DUSP14: variants seen among roughly 807,000 people sequenced by gnomAD.
The protein encoded by DUSP14 is dual specificity protein phosphatase 14.
A neutral mutation model predicts 13.2 loss-of-function variants in DUSP14; 5 were observed. The observed-to-expected ratio is 0.38, with a 90% confidence interval of 0.20 to 0.80. The LOEUF (loss-of-function observed/expected upper bound fraction) is 0.80, where lower values mean the gene tolerates loss of function less well. Among genes scored for constraint, DUSP14 ranks in the 30% least tolerant of loss-of-function variants. The pLI is 0.44. For synonymous variants in DUSP14, 91 were observed against 103.4 expected (o/e 0.88, Z 0.73); for missense variants, 185 against 264.0 (o/e 0.70, Z 2.07).
intron 1 of DUSP14, among the ~76,000 whole-genome samples, chr17:37,507,673 A>G (rs1307365073): frequency 1.3e-5 from 2 of 152,116 alleles, no homozygotes. Flanking sequence ...GGCTGGTCTC[A>G]GGTGATCTGC....
intron 1 of DUSP14, 152 bp from the exon 2 acceptor site, chr17:37,510,525 G>A (rs2054176347): frequency 6.6e-6 from 1 of 152,172 alleles, no homozygotes; most frequent in Non-Finnish European, 1.5e-5. Flanking sequence ...TTTCTTACTG[G>A]TGCAGCCTTT....
rs1049017007 is a variant in DUSP14 at position 37,513,052 on chromosome 17, T to C, written c.*183T>C. 9 of 568,794 alleles carry C rather than the reference T, an allele frequency of 1.6e-5. No individual in the cohort carries two copies. Among genetic ancestry groups the C allele is most frequent in the Non-Finnish European group, 2.9e-5 (9 of 315,328 alleles). The allele number at this position is 568,794 out of a possible 1,614,324, so 35.2% of individuals were successfully genotyped here. ...GGGGACATAAAGGGAATGCATACAT[T>C]GCTAGTCACATTTTTAAAATTAACA... is the stretch of plus-strand genomic sequence containing the variant. On this transcript the variant is annotated 3_prime_UTR_variant, in exon 3 of 3. Transcript: ENST00000617516.
At position 37,513,047 on chromosome 17, in the gene DUSP14, T is replaced by C. The variant is rs2054205475; in HGVS notation, c.*178T>C. On this transcript the variant is annotated 3_prime_UTR_variant, in exon 3 of 3. Transcript: ENST00000617516. Reference sequence around the variant, plus strand: ...AGGGAGGGGACATAAAGGGAATGCATACATTGCTAGTCACATTTTTAAAAT... The same window carrying C: ...AGGGAGGGGACATAAAGGGAATGCACACATTGCTAGTCACATTTTTAAAAT... The C allele has an allele frequency of 5.1e-6, 3 of 585,488 alleles. No homozygotes were observed. Among genetic ancestry groups the C allele is most frequent in the Non-Finnish European group, 9.2e-6 (3 of 324,550 alleles). The allele number at this position is 585,488 out of a possible 1,614,324, so 36.3% of individuals were successfully genotyped here.
intron 1 of DUSP14, among the ~76,000 whole-genome samples, chr17:37,504,660 C>T (rs1047191081): frequency 2.0e-5 from 3 of 152,112 alleles, no homozygotes; most frequent in Admixed American, 6.6e-5. Context: ...TCACTGCAGC[C>T]TCGACTTCCC....
Position 37,512,424 on chromosome 17 carries a change from G to A in DUSP14, c.152G>A (p.Arg51His), listed in dbSNP as rs1370928384. 6.2e-6 allele frequency: 10 copies of A among 1,614,018 alleles called. No homozygotes were observed. The highest frequency in any genetic ancestry group is 1.3e-5 in the African/African-American group (1 of 74,898). The change falls in exon 3 of 3, where the codon CGT (arginine) becomes CAT (histidine). Residue 51 changes from arginine (R) to histidine (H), a missense_variant. Coordinates refer to ENST00000617516, the MANE Select transcript of DUSP14 (RefSeq NM_007026.4). This position sits in a 1 kb window ranked among gnomAD's most constrained non-coding sequence, Gnocchi z 4.8. ...VASNRHLLQA[R>H]GITCIVNATI... ...TCCAATCGGCACCTCCTCCAGGCTC[G>A]TGGCATCACCTGCATTGTTAATGCT... is the stretch of plus-strand genomic sequence containing the variant.
chr17:37,498,314 C>CTTTTTTTTTTTTTTTTTTTTT (rs765033929), intron 1 of DUSP14, among the ~76,000 whole-genome samples: 1 of 70,578 alleles, frequency 1.4e-5, no homozygotes, highest in African/African-American at 5.9e-5. Flanking sequence ...TAGATTGTAT[C>CTTTTTTTTTTTTTTTTTTTTT]TTTTTTTTTT....
At chr17:37,510,437 CTG>C (rs1163269870) in intron 1 of DUSP14, 1 of 152,186 alleles carries the variant, frequency 6.6e-6, no homozygotes, top group African/African-American at 2.4e-5. Flanking sequence ...TGAGATTTGT[CTG>C]TGTTATTGTC....
intron 1 of DUSP14, 192 bp from the exon 2 acceptor site, chr17:37,510,481 TGTCA>T (rs2054176104): frequency 6.6e-6 from 1 of 152,332 alleles, no homozygotes; most frequent in Non-Finnish European, 1.5e-5. Flanking sequence ...GCGGGTTATG[TGTCA>T]GTAACAAAAA....
chr17:37,505,719 T>C (rs1466332649), intron 1 of DUSP14, among the ~76,000 whole-genome samples: 1 of 151,174 alleles, frequency 6.6e-6, no homozygotes, highest in Non-Finnish European at 1.5e-5. Flanking sequence ...CATGACCCCA[T>C]GTAGCAATTC....
At chr17:37,497,424 C>T (rs1251339327) in intron 1 of DUSP14, among the ~76,000 whole-genome samples, 2 of 152,140 alleles carry the variant, frequency 1.3e-5, no homozygotes, top group Middle Eastern at 3.4e-3. Context: ...TACAGGCATG[C>T]GCTACCGCGC....
chr17:37,493,155 G>T (rs1313915480), intron 1 of DUSP14, among the ~76,000 whole-genome samples: 1 of 152,098 alleles, frequency 6.6e-6, no homozygotes, highest in Non-Finnish European at 1.5e-5. Context: ...TAGAGACAAG[G>T]TCTCACTATA....
intron 1 of DUSP14, among the ~76,000 whole-genome samples, chr17:37,492,661 T>C (rs1286177054): frequency 6.6e-6 from 1 of 152,188 alleles, no homozygotes; most frequent in Non-Finnish European, 1.5e-5. Flanking sequence ...GTTGTCATGG[T>C]TCTGAATTCC....
At chr17:37,495,784 C>G (rs1389752174) in intron 1 of DUSP14, among the ~76,000 whole-genome samples, 2 of 151,988 alleles carry the variant, frequency 1.3e-5, no homozygotes, top group African/African-American at 4.8e-5. Context: ...CTCAGCCTCC[C>G]GAGTAGCTGG....
At position 37,512,140 on chromosome 17, in the gene DUSP14, C is replaced by G; in HGVS notation, c.-92-41C>G. 1.4e-6 allele frequency: 1 copy of G among 692,144 alleles called. No individual in the cohort carries two copies. Among genetic ancestry groups the G allele is most frequent in the South Asian group, 2.0e-5 (1 of 49,962 alleles). The allele number at this position is 692,144 out of a possible 1,614,324, so 42.9% of individuals were successfully genotyped here. A position where few individuals can be genotyped will look rare whatever the true frequency, so the allele number is the denominator to read the frequency against. On this transcript the variant is annotated intron_variant, in intron 2 of 2. Coordinates refer to ENST00000617516, the MANE Select transcript of DUSP14 (RefSeq NM_007026.4). The surrounding 1 kb of genome is among the most constrained non-coding windows in gnomAD (Gnocchi z 4.8). ...AATGTGACAGAAGGCTGTGATGAATCAGTAGCATTTAAAGTACTGACACAT... is the reference window on the plus strand; with the variant it reads ...AATGTGACAGAAGGCTGTGATGAATGAGTAGCATTTAAAGTACTGACACAT...
At chr17:37,501,860 G>A (rs1802687272) in intron 1 of DUSP14, among the ~76,000 whole-genome samples, 1 of 152,048 alleles carries the variant, frequency 6.6e-6, no homozygotes, top group Non-Finnish European at 1.5e-5. Flanking sequence ...AAAAAGCATG[G>A]TATACAATCT....
intron 2 of DUSP14, among the ~76,000 whole-genome samples, chr17:37,511,937 A>ATTT (rs1329764853): frequency 6.1e-5 from 1 of 16,442 alleles, no homozygotes. Context: ...CCCCCACCCC[A>ATTT]CTTTTTTTTT....
intron 1 of DUSP14, among the ~76,000 whole-genome samples, chr17:37,495,890 C>T (rs539751956): frequency 6.6e-6 from 1 of 152,184 alleles, no homozygotes; most frequent in South Asian, 2.1e-4. Context: ...GATCTCATGA[C>T]CTCGTGATCC....
At chr17:37,500,201 A>G (rs2054096332) in intron 1 of DUSP14, among the ~76,000 whole-genome samples, 1 of 152,262 alleles carries the variant, frequency 6.6e-6, no homozygotes. Flanking sequence ...TTATTAGTAC[A>G]TTATAAGTGA....
In DUSP14 at chr17:37,512,272, C is replaced by T; in HGVS notation, c.-1C>T. 1.3e-6 allele frequency: 2 copies of T among 1,590,928 alleles called. No individual in the cohort carries two copies. The highest frequency in any genetic ancestry group is 1.7e-6 in the Non-Finnish European group (2 of 1,165,124). ...ATGCAAGTGTGACTGCTGGCGTCTT[C>T]ATGAGCTCCAGAGGTCACAGCACGC... On this transcript the variant is annotated 5_prime_UTR_variant, in exon 3 of 3. Transcript: ENST00000617516. The surrounding 1 kb of genome is among the most constrained non-coding windows in gnomAD (Gnocchi z 4.8).
Sources: gnomAD v4.1 joint callset for allele counts (sites outside exome capture counted in the v4.1 genomes callset) on GRCh38, gnomAD v4.1.1 for gene constraint, Gnocchi (gnomAD v3.1) non-coding constraint, MANE v1.5 for transcripts, NCBI Gene and HGNC (gene_info 2026-07-23, HGNC 2026-07-21) for gene names.